AHCYL2: variants seen among roughly 807,000 people sequenced by gnomAD.
AHCYL2 encodes S-adenosylhomocysteine hydrolase-like protein 2.
In AHCYL2, 28 loss-of-function variants were observed where a neutral mutation model predicts 81.4. The observed-to-expected ratio is 0.34, with a 90% confidence interval of 0.25 to 0.47. The LOEUF (loss-of-function observed/expected upper bound fraction) is 0.47, where lower values mean the gene tolerates loss of function less well. Ranked by LOEUF, AHCYL2 falls within the 20% of genes least tolerant of loss-of-function variation. AHCYL2 has a pLI of 1.00. For missense variants in AHCYL2, 551 were observed against 785.1 expected, an observed-to-expected ratio of 0.70 and a Z score of 3.56; for synonymous variants, 272 against 290.2, an observed-to-expected ratio of 0.94 and a Z score of 0.64.
chr7:129,251,339 TTTTA>T (rs1195582048), intron 1 of AHCYL2, among the ~76,000 whole-genome samples: 20 of 139,312 alleles, frequency 1.4e-4, no homozygotes, highest in Non-Finnish European at 2.3e-4. Context: ...TTTTTTTTTT[TTTTA>T]AATAAGAGTG....
intron 1 of AHCYL2, among the ~76,000 whole-genome samples, chr7:129,281,489 ATTTTTTTTTT>A (rs34422629): frequency 2.7e-5 from 2 of 74,146 alleles, no homozygotes; most frequent in African/African-American, 5.8e-5. Flanking sequence ...CTGTTTCTAG[ATTTTTTTTTT>A]TTTTTTTTTT....
At chr7:129,232,253 T>C (rs1251926835) in intron 1 of AHCYL2, among the ~76,000 whole-genome samples, 4 of 152,242 alleles carry the variant, frequency 2.6e-5, no homozygotes, top group Non-Finnish European at 4.4e-5. Context: ...CAGGAATCTC[T>C]GTCTTAGTAT....
chr7:129,290,812 C>G (rs140565422), intron 1 of AHCYL2, among the ~76,000 whole-genome samples: 36,950 of 151,132 alleles, frequency 0.24, 4,573 homozygotes, highest in South Asian at 0.37. Context: ...CGCCTGTAAT[C>G]CCAGCTACTC....
chr7:129,267,753 AAAGAG>A (rs879909452), intron 1 of AHCYL2, among the ~76,000 whole-genome samples: 15 of 152,194 alleles, frequency 9.9e-5, no homozygotes, highest in Non-Finnish European at 2.2e-4. Flanking sequence ...AGGAAGTAGA[AAAGAG>A]GGAATCTTGT....
chr7:129,385,211 A>G (rs1475030584), intron 2 of AHCYL2, among the ~76,000 whole-genome samples: 1 of 152,242 alleles, frequency 6.6e-6, no homozygotes, highest in East Asian at 1.9e-4. Context: ...GGATGCTAGC[A>G]TAGCTTTTTA....
At chr7:129,295,275 G>T (rs972300320) in intron 1 of AHCYL2, among the ~76,000 whole-genome samples, 3 of 152,196 alleles carry the variant, frequency 2.0e-5, no homozygotes, top group African/African-American at 7.2e-5. Context: ...AGAGCAATCT[G>T]GTTTTAAAGG....
intron 1 of AHCYL2, among the ~76,000 whole-genome samples, chr7:129,230,619 C>T (rs1436796287): frequency 1.3e-5 from 2 of 148,628 alleles, no homozygotes; most frequent in Non-Finnish European, 3.0e-5. Flanking sequence ...GTTGCCCAGG[C>T]TGGAGTGCAG....
chr7:129,305,976 T>C (rs1326031891), intron 1 of AHCYL2, among the ~76,000 whole-genome samples: 1 of 152,232 alleles, frequency 6.6e-6, no homozygotes, highest in Non-Finnish European at 1.5e-5. Flanking sequence ...TATTTGGAGC[T>C]CCATTGTATG....
Position 129,428,408 on chromosome 7 carries a change from G to A in AHCYL2, c.*1363G>A, listed in dbSNP as rs766649431. 2.0e-5 allele frequency: 3 copies of A among 152,322 alleles called. No individual in the cohort carries two copies. Among genetic ancestry groups the A allele is most frequent in the South Asian group, 2.1e-4 (1 of 4,832 alleles). 9.4% of individuals were successfully genotyped at this position (152,322 alleles called of 1,614,324 possible). ...CCACCCAAAAATTGGATTCCTTTTG[G>A]AGACTGATCTGTTGGTCTCAGGCAT... is the stretch of plus-strand genomic sequence containing the variant. On this transcript the variant is annotated 3_prime_UTR_variant, in exon 17 of 17. Coordinates refer to ENST00000325006, the MANE Select transcript of AHCYL2 (RefSeq NM_015328.4).
chr7:129,282,907 A>G (rs1796498685), intron 1 of AHCYL2, among the ~76,000 whole-genome samples: 2 of 152,098 alleles, frequency 1.3e-5, no homozygotes, highest in South Asian at 2.1e-4. Flanking sequence ...GCAGTTTTCC[A>G]TCTAGGGTAG....
chr7:129,363,409 T>A (rs1433863686), intron 1 of AHCYL2, among the ~76,000 whole-genome samples: 2 of 152,156 alleles, frequency 1.3e-5, no homozygotes, highest in Admixed American at 1.3e-4. Flanking sequence ...TTATTTCCAT[T>A]TCAGAATTGT....
chr7:129,392,049 G>A (rs1344569590), intron 4 of AHCYL2, among the ~76,000 whole-genome samples: 3 of 152,100 alleles, frequency 2.0e-5, no homozygotes, highest in African/African-American at 7.2e-5. Context: ...CATCTAGTTT[G>A]TTTTTTACCC....
intron 1 of AHCYL2, among the ~76,000 whole-genome samples, chr7:129,299,089 A>T (rs1387640905): frequency 6.6e-6 from 1 of 151,996 alleles, no homozygotes; most frequent in Non-Finnish European, 1.5e-5. Flanking sequence ...ATGTGCCATG[A>T]TATATTGTTC....
rs1797299773 is a variant in AHCYL2, at chr7:129,425,087, A to G, written c.1654A>G (p.Asn552Asp). The change falls in exon 15 of 17, where the codon AAT becomes GAT. Residue 552 changes from asparagine (N) to aspartate (D), a missense_variant. Around this residue, in one of 2 missense-constraint regions of AHCYL2, gnomAD observed 316 missense variants for 543.1 expected, o/e 0.58. Coordinates refer to ENST00000325006, the MANE Select transcript of AHCYL2 (RefSeq NM_015328.4). ...GGCTCTTGCCTTGATAGAGCTTTAC[A>G]ATGCTCCTGAGGGTCGCTATAAGCA... ...TQALALIELY[N>D]APEGRYKQDV... is the part of the protein sequence containing the mutation. 1 of 1,613,660 alleles carries G rather than the reference A, an allele frequency of 6.2e-7. No individual in the cohort carries two copies. Among genetic ancestry groups the G allele is most frequent in the African/African-American group, 1.3e-5 (1 of 74,904 alleles).
In AHCYL2 at chr7:129,405,828, T is replaced by A; in HGVS notation, c.1143-8T>A. ...ATTTTTCTGATTTAATGTTTTTTTTTCCCCTAGACTTAAAAGGACAACAGA... is the reference window on the plus strand; with the variant it reads ...ATTTTTCTGATTTAATGTTTTTTTTACCCCTAGACTTAAAAGGACAACAGA... On this transcript the variant is annotated splice_polypyrimidine_tract_variant and splice_region_variant and intron_variant, in intron 8 of 16. Coordinates refer to ENST00000325006, the MANE Select transcript of AHCYL2 (RefSeq NM_015328.4). The A allele has an allele frequency of 1.3e-6, 2 of 1,599,010 alleles. No individual in the cohort carries two copies. The highest frequency in any genetic ancestry group is 8.5e-7 in the Non-Finnish European group (1 of 1,172,550).
At chr7:129,373,386 GT>G (rs905481853) in intron 1 of AHCYL2, among the ~76,000 whole-genome samples, 2 of 150,636 alleles carry the variant, frequency 1.3e-5, no homozygotes, top group Non-Finnish European at 3.0e-5. Context: ...AACTTTTTAA[GT>G]TTTTTTTTAG....
At chr7:129,340,075 C>T (rs117349634) in intron 1 of AHCYL2, among the ~76,000 whole-genome samples, 2 of 150,708 alleles carry the variant, frequency 1.3e-5, no homozygotes, top group African/African-American at 2.4e-5. Context: ...CACTCCGCCA[C>T]GCTTGGCTTA....
chr7:129,373,954 A>G (rs1381377658), intron 1 of AHCYL2, among the ~76,000 whole-genome samples: 3 of 152,080 alleles, frequency 2.0e-5, no homozygotes, highest in Admixed American at 1.3e-4. Context: ...TTCTGTTTCC[A>G]TTTCTGGTAG....
At chr7:129,408,345 G>T (rs116408453) in intron 10 of AHCYL2, among the ~76,000 whole-genome samples, 6 of 152,172 alleles carry the variant, frequency 3.9e-5, no homozygotes, top group East Asian at 1.9e-4. Flanking sequence ...TATTAGAGAA[G>T]AGTAGAGAGA....
Sources: gnomAD v4.1 joint callset for allele counts (sites outside exome capture counted in the v4.1 genomes callset) on GRCh38, gnomAD v4.1.1 for gene constraint, gnomAD v4.1.1 regional missense constraint, MANE v1.5 for transcripts, NCBI Gene and HGNC (gene_info 2026-07-23, HGNC 2026-07-21) for gene names.